Variants in RBFOX1 observed in about 807,000 individuals in gnomAD.
The protein encoded by RBFOX1 is RNA binding fox-1 homolog 1, also known as RNA binding protein fox-1 homolog 1.
RBFOX1 carries 8 observed loss-of-function variants against 57.7 expected under a neutral mutation model. The observed-to-expected ratio is 0.14, with a 90% CI of 0.08 to 0.25. The LOEUF (loss-of-function observed/expected upper bound fraction) is 0.25, where lower values mean the gene tolerates loss of function less well. RBFOX1 is among the 10% of genes least tolerant of loss of function. The pLI, the probability that RBFOX1 is intolerant of heterozygous loss-of-function variation, is 1.00. For missense variants in RBFOX1, 611 were observed against 548.5 expected (o/e 1.11, Z -1.14); for synonymous variants, 326 against 222.4 (o/e 1.47, Z -4.15).
intron 4 of RBFOX1, among the ~76,000 whole-genome samples, chr16:5,948,680 G>A (rs1597914114): frequency 1.3e-5 from 2 of 152,140 alleles, no homozygotes; most frequent in Non-Finnish European, 2.9e-5. Context: ...ACAAGAAACC[G>A]GGAGGGACGC....
At chr16:7,378,451 C>G (rs2097725394) in intron 4 of RBFOX1, among the ~76,000 whole-genome samples, 1 of 152,184 alleles carries the variant, frequency 6.6e-6, no homozygotes, top group Non-Finnish European at 1.5e-5. Flanking sequence ...CATCGCAGAA[C>G]TGCTGTCTTC....
In RBFOX1 at chr16:7,294,247, G is replaced by T. The variant is rs146853393; in HGVS notation, c.28-223900G>T. Among the ~76,000 whole-genome samples the T allele has an allele frequency of 5.0e-4, 76 of 152,016 alleles. 1 individual carries two copies. In the East Asian group the frequency reaches 0.014, roughly 28 times the overall value. On this transcript the variant is annotated intron_variant, in intron 4 of 15. Coordinates refer to ENST00000550418, the MANE Select transcript of RBFOX1 (RefSeq NM_018723.4). ...TGCCGCCTACCCTTCCTTGTCCCACGCACTTACATTCAGTCCTGTGCACTG... is the reference window on the plus strand; with the variant it reads ...TGCCGCCTACCCTTCCTTGTCCCACTCACTTACATTCAGTCCTGTGCACTG...
At chr16:7,003,711 A>T (rs557725395) in intron 3 of RBFOX1, among the ~76,000 whole-genome samples, 32 of 152,286 alleles carry the variant, frequency 2.1e-4, no homozygotes, top group African/African-American at 7.7e-4. Flanking sequence ...TATTAAACAC[A>T]AACAATGTAA....
At chr16:6,785,688 G>A (rs777205772) in intron 3 of RBFOX1, among the ~76,000 whole-genome samples, 3 of 152,154 alleles carry the variant, frequency 2.0e-5, no homozygotes, top group African/African-American at 4.8e-5. Flanking sequence ...TTCCATGTGA[G>A]CATGTTACAG....
At chr16:5,306,192 C>T (rs1050461142) in intron 1 of RBFOX1, among the ~76,000 whole-genome samples, 3 of 151,940 alleles carry the variant, frequency 2.0e-5, no homozygotes, top group Admixed American at 6.5e-5. Context: ...ATAGCAAGAC[C>T]CTGTCTCCAA....
chr16:5,917,574 ACT>A, intron 4 of RBFOX1, among the ~76,000 whole-genome samples: 1 of 152,076 alleles, frequency 6.6e-6, no homozygotes, highest in Middle Eastern at 3.4e-3. Context: ...AAGGAAGGAG[ACT>A]CAAACTCTGG....
chr16:6,979,857 T>C (rs2088194962), intron 3 of RBFOX1, among the ~76,000 whole-genome samples: 2 of 152,122 alleles, frequency 1.3e-5, no homozygotes, highest in Admixed American at 1.3e-4. Context: ...CTGTGATGTG[T>C]TTGCTTTGTG....
At chr16:6,202,073 C>G (rs1272157628) in intron 1 of RBFOX1, among the ~76,000 whole-genome samples, 2 of 152,120 alleles carry the variant, frequency 1.3e-5, no homozygotes, top group Non-Finnish European at 2.9e-5. Flanking sequence ...AAAAACAAAA[C>G]AAAACAAACA....
chr16:6,142,980 C>T (rs981574936), intron 1 of RBFOX1, among the ~76,000 whole-genome samples: 18 of 152,154 alleles, frequency 1.2e-4, no homozygotes, highest in African/African-American at 3.6e-4. Context: ...TTCCTTTCTC[C>T]CAGCTCCTGA....
At chr16:6,922,508 TC>T (rs2074692703) in intron 3 of RBFOX1, among the ~76,000 whole-genome samples, 1 of 151,978 alleles carries the variant, frequency 6.6e-6, no homozygotes, top group Admixed American at 6.5e-5. Context: ...GCTGTGTTTT[TC>T]CACATTTAAA....
intron 1 of RBFOX1, among the ~76,000 whole-genome samples, chr16:6,264,455 A>G (rs75120502): frequency 0.014 from 2,195 of 152,278 alleles, 63 homozygotes; most frequent in African/African-American, 0.05. Flanking sequence ...ACTGAAGTTC[A>G]AATGCTCCCA....
chr16:6,761,238 A>G (rs986113591), intron 3 of RBFOX1, among the ~76,000 whole-genome samples: 12 of 152,134 alleles, frequency 7.9e-5, no homozygotes, highest in Admixed American at 2.0e-4. Context: ...TAATTGGGGG[A>G]AAAAGTAATC....
chr16:7,417,280 G>T (rs761214599), intron 4 of RBFOX1, among the ~76,000 whole-genome samples: 2 of 150,664 alleles, frequency 1.3e-5, no homozygotes, highest in African/African-American at 4.9e-5. Flanking sequence ...AACTGAGACA[G>T]GGGAATCACT....
At chr16:5,719,105 T>C (rs995305650) in intron 3 of RBFOX1, among the ~76,000 whole-genome samples, 3 of 152,166 alleles carry the variant, frequency 2.0e-5, no homozygotes, top group Admixed American at 6.5e-5. Flanking sequence ...TCAAGTAATA[T>C]TTGTTGAATA....
At chr16:6,620,662 A>G (rs11646107) in intron 2 of RBFOX1, among the ~76,000 whole-genome samples, 5,548 of 152,260 alleles carry the variant, frequency 0.036, 146 homozygotes, top group Non-Finnish European at 0.053. Context: ...CAGAAATGAC[A>G]AGGGGGAATA....
chr16:6,994,325 T>C (rs2091948851), intron 3 of RBFOX1, among the ~76,000 whole-genome samples: 1 of 152,164 alleles, frequency 6.6e-6, no homozygotes, highest in Admixed American at 6.5e-5. Flanking sequence ...TGGATGTAAG[T>C]GTCTAGAGTC....
intron 2 of RBFOX1, among the ~76,000 whole-genome samples, chr16:6,591,455 C>G (rs981025406): frequency 1.1e-4 from 16 of 151,562 alleles, no homozygotes; most frequent in African/African-American, 3.6e-4. Context: ...CTCTGTCTCA[C>G]AAAAAAAGGA....
intron 2 of RBFOX1, among the ~76,000 whole-genome samples, chr16:6,547,375 A>C (rs552724762): frequency 1.1e-3 from 174 of 152,306 alleles, no homozygotes; most frequent in African/African-American, 3.9e-3. Context: ...TCCTGAGGAT[A>C]ATTAACTAAG....
intron 2 of RBFOX1, among the ~76,000 whole-genome samples, chr16:6,638,473 T>G (rs2098462036): frequency 6.6e-6 from 1 of 152,172 alleles, no homozygotes; most frequent in Non-Finnish European, 1.5e-5. Context: ...CATTGAGACT[T>G]ACACATTTAT....
Sources: allele counts gnomAD v4.1 joint callset (sites outside exome capture counted in the v4.1 genomes callset), GRCh38; gene constraint gnomAD v4.1.1; transcripts MANE v1.5; gene names NCBI Gene and HGNC (gene_info 2026-07-23, HGNC 2026-07-21).